TSPOAP1: variants seen among roughly 807,000 people sequenced by gnomAD.
The protein encoded by TSPOAP1 is peripheral-type benzodiazepine receptor-associated protein 1.
In TSPOAP1, 87 loss-of-function variants were observed where a neutral mutation model predicts 197.0. That is an observed-to-expected ratio of 0.44 (90% CI 0.37 to 0.53). The LOEUF is 0.53. Among genes scored for constraint, TSPOAP1 ranks in the 20% least tolerant of loss-of-function variants. The probability of loss-of-function intolerance (pLI) is 0.00; values close to 1 mark genes in which losing one functional copy is unlikely to be tolerated. For missense variants in TSPOAP1, 2,174 were observed against 2,411.3 expected, an observed-to-expected ratio of 0.90 and a Z score of 2.06; for synonymous variants, 913 against 998.9, an observed-to-expected ratio of 0.91 and a Z score of 1.62.
chr17:58,310,225 G>A, intron 20 of TSPOAP1, 67 bp from the exon 21 acceptor site: 4 of 1,496,348 alleles, frequency 2.7e-6, no homozygotes, highest in Non-Finnish European at 3.6e-6. Context: ...TCCAGGCAGG[G>A]TCAGCCCCAG....
chr17:58,305,581 C>A lies in TSPOAP1; in HGVS notation c.5320G>T (p.Asp1774Tyr). 6.3e-7 allele frequency: 1 copy of A among 1,576,754 alleles called. No homozygotes were observed. Among genetic ancestry groups the A allele is most frequent in the Non-Finnish European group, 8.6e-7 (1 of 1,161,928 alleles). Residue 1774 changes from aspartate to tyrosine, a missense_variant, in exon 28 of 32, where the codon GAC becomes TAC. By Grantham distance (160) the Asp-to-Tyr change is radical (BLOSUM62 -3). Around this residue, in one of 5 missense-constraint regions of TSPOAP1, gnomAD observed 161 missense variants for 159.1 expected, o/e 1.01. Transcript: ENST00000343736. ...GGGGAACTCTCCTGGGGGTTGTAGT[C>A]AAATGCAGCCACCATGGAGTGGGGA... ...KAPHSMVAAF[D>Y]YNPQESSPNM...
Position 58,326,189 on chromosome 17 carries a change from G to C in TSPOAP1, c.570+104C>G. ...CTAGATTCTTGCTTTCCTAGGTGCT[G>C]AGCTGAGACCGTGACTCCCAAGCTT... On this transcript the variant is annotated intron_variant, in intron 3 of 31. Coordinates refer to ENST00000343736, the MANE Select transcript of TSPOAP1 (RefSeq NM_004758.4). This position sits in a 1 kb window ranked among gnomAD's most constrained non-coding sequence, Gnocchi z 4.7. The C allele has an allele frequency of 2.6e-6, 4 of 1,534,520 alleles. No homozygotes were observed. The highest frequency in any genetic ancestry group is 3.5e-6 in the Non-Finnish European group (4 of 1,139,528).
In TSPOAP1 at chr17:58,324,057, G is replaced by A. The variant is rs1039969155; in HGVS notation, c.943-512C>T. On this transcript the variant is annotated intron_variant, in intron 5 of 31. Transcript: ENST00000343736. The surrounding 1 kb of genome is among the most constrained non-coding windows in gnomAD (Gnocchi z 5.8). ...CCAAGCCCACCCTACCACACCTTCC[G>A]ATTATCCGTGCAAACTTTGGGGGAG... Among the ~76,000 whole-genome samples the A allele has an allele frequency of 6.6e-6, 1 of 152,172 alleles. No homozygotes were observed. The highest frequency in any genetic ancestry group is 2.4e-5 in the African/African-American group (1 of 41,444).
At position 58,320,135 on chromosome 17, in the gene TSPOAP1, G is replaced by T. The variant is rs1971361767; in HGVS notation, c.1474-6C>A. On this transcript the variant is annotated splice_region_variant and splice_polypyrimidine_tract_variant and intron_variant, in intron 11 of 31. Coordinates refer to ENST00000343736, the MANE Select transcript of TSPOAP1 (RefSeq NM_004758.4). ...TGCATGGAATCCAAGGTAGACTGTT[G>T]CAGGAAAGGAAGCAGAGAACAGGTT... 6.2e-7 allele frequency: 1 copy of T among 1,614,050 alleles called. No individual in the cohort carries two copies. The highest frequency in any genetic ancestry group is 2.2e-5 in the East Asian group (1 of 44,894).
chr17:58,327,091 A>G (rs556230765), intron 1 of TSPOAP1, among the ~76,000 whole-genome samples: 4 of 151,748 alleles, frequency 2.6e-5, no homozygotes, highest in Non-Finnish European at 5.9e-5. Context: ...CCATCCCTCC[A>G]GACTCCCCTG....
Position 58,323,573 on chromosome 17 carries a change from G to A in TSPOAP1, c.943-28C>T, listed in dbSNP as rs746188957. 8.1e-6 allele frequency: 13 copies of A among 1,608,950 alleles called. No homozygotes were observed. The African/African-American group carries it at 1.6e-4, about 20-fold the overall frequency. ...GGAAATGCCCAGGGGCAAGGGGCTGGCACCTGAGAACAGGGCCCCAGGGCA... is the reference window on the plus strand; with the variant it reads ...GGAAATGCCCAGGGGCAAGGGGCTGACACCTGAGAACAGGGCCCCAGGGCA... On this transcript the variant is annotated intron_variant, in intron 5 of 31. Coordinates refer to ENST00000343736, the MANE Select transcript of TSPOAP1 (RefSeq NM_004758.4).
chr17:58,310,798 C>A, intron 19 of TSPOAP1, 38 bp downstream of exon 19: 4 of 1,587,108 alleles, frequency 2.5e-6, no homozygotes, highest in Admixed American at 1.7e-5. Context: ...GGTCCCTCTG[C>A]CAGCCTGCAC....
In TSPOAP1 at chr17:58,322,128, T is replaced by C. The variant is rs1342577169; in HGVS notation, c.1422+180A>G. ...TCTTCTCCACCACTGTGCTCATCAGTGTCTGAAATCAGCTCACTCCTGGAT... is the reference window on the plus strand; with the variant it reads ...TCTTCTCCACCACTGTGCTCATCAGCGTCTGAAATCAGCTCACTCCTGGAT... On this transcript the variant is annotated intron_variant, in intron 10 of 31. Transcript: ENST00000343736. This position sits in a 1 kb window ranked among gnomAD's most constrained non-coding sequence, Gnocchi z 5.0. 1.6e-6 allele frequency: 1 copy of C among 615,198 alleles called. No individual in the cohort carries two copies. Among genetic ancestry groups the C allele is most frequent in the African/African-American group, 1.8e-5 (1 of 54,126 alleles). The allele number at this position is 615,198 out of a possible 1,614,324, so 38.1% of individuals were successfully genotyped here. A position where few individuals can be genotyped will look rare whatever the true frequency, so the allele number is the denominator to read the frequency against.
At chr17:58,321,611 T>C (rs1237280762) in intron 10 of TSPOAP1, among the ~76,000 whole-genome samples, 1 of 152,030 alleles carries the variant, frequency 6.6e-6, no homozygotes, top group Non-Finnish European at 1.5e-5. Flanking sequence ...ACCTTGTCAG[T>C]TCTATCTCTA....
At chr17:58,325,344 C>G in intron 4 of TSPOAP1, 190 bp downstream of exon 4, 2 of 715,416 alleles carry the variant, frequency 2.8e-6, no homozygotes, top group Non-Finnish European at 4.6e-6. Flanking sequence ...CAGAAATGCC[C>G]AGGTCTGGGA....
chr17:58,325,751 G>A (rs757884772), intron 3 of TSPOAP1, 38 bp from the exon 4 acceptor site: 28 of 1,556,226 alleles, frequency 1.8e-5, no homozygotes, highest in Non-Finnish European at 2.3e-5. Context: ...GTCACCTGAG[G>A]GCTGGGGCAC....
At position 58,325,647 on chromosome 17, in the gene TSPOAP1, G is replaced by T. The variant is rs1417499118; in HGVS notation, c.637C>A (p.Arg213=). 6.2e-7 allele frequency: 1 copy of T among 1,613,298 alleles called. No homozygotes were observed. The highest frequency in any genetic ancestry group is 8.5e-7 in the Non-Finnish European group (1 of 1,180,004). The change falls in exon 4 of 32, where the codon CGA becomes AGA. Residue 213 remains arginine, a synonymous_variant. Transcript: ENST00000343736. ...ELCRKALARQ[R]ARDLSETASA... is the part of the protein sequence containing the mutation. The stretch of plus-strand genomic sequence containing the variant: ...GCTGTCTCACTGAGGTCCCGGGCTC[G>T]CTGGCGGGCTAGGGCCTTCCGACAC...
At chr17:58,307,478 C>G in intron 24 of TSPOAP1, 133 bp downstream of exon 24, 5 of 1,258,262 alleles carry the variant, frequency 4.0e-6, no homozygotes, top group Non-Finnish European at 5.5e-6. Context: ...GAGTCAGGTC[C>G]AAACCCATGT....
At position 58,309,717 on chromosome 17, in the gene TSPOAP1, G is replaced by A. The variant is rs1270550686; in HGVS notation, c.3891+250C>T. Among the ~76,000 whole-genome samples the A allele has an allele frequency of 3.3e-5, 5 of 152,224 alleles. No homozygotes were observed. In the East Asian group the frequency reaches 7.7e-4, roughly 23 times the overall value. On this transcript the variant is annotated intron_variant, in intron 21 of 31. Coordinates refer to ENST00000343736, the MANE Select transcript of TSPOAP1 (RefSeq NM_004758.4). This position sits in a 1 kb window ranked among gnomAD's most constrained non-coding sequence, Gnocchi z 5.0. ...TCTTAGGTGGCACCGGCCTCCCCTG[G>A]CCAGGGCGCTGTATCTGGTGGGCTG...
rs774067219 is a variant in TSPOAP1, at chr17:58,327,697, G to A, written c.224C>T (p.Thr75Ile). The change falls in exon 1 of 32, where the codon ACT (threonine) becomes ATT (isoleucine). Residue 75 changes from threonine to isoleucine, a missense_variant. Around this residue, in one of 5 missense-constraint regions of TSPOAP1, gnomAD observed 1,933 missense variants for 2,139.0 expected, o/e 0.90. Transcript: ENST00000343736. The part of the protein sequence containing the change: ...GDGSSRPVGG[T>I]DPEGAEACLP... Reference sequence around the variant, plus strand: ...ACAAGCCTCTGCTCCTTCAGGGTCAGTTCCCCCCACGGGCCTGGAGCTCCC... The same window carrying A: ...ACAAGCCTCTGCTCCTTCAGGGTCAATTCCCCCCACGGGCCTGGAGCTCCC... The A allele has an allele frequency of 6.2e-7, 1 of 1,614,058 alleles. No individual in the cohort carries two copies.
At position 58,322,571 on chromosome 17, in the gene TSPOAP1, C is replaced by T; in HGVS notation, c.1317+83G>A. On this transcript the variant is annotated intron_variant, in intron 9 of 31. Coordinates refer to ENST00000343736, the MANE Select transcript of TSPOAP1 (RefSeq NM_004758.4). The surrounding 1 kb of genome is among the most constrained non-coding windows in gnomAD (Gnocchi z 5.0). The stretch of plus-strand genomic sequence containing the variant: ...CCAGGCCCAGGCCTCAGAGCTAGTG[C>T]CCCTCACTAAGAATATTCTGCTGTC... The T allele has an allele frequency of 6.3e-7, 1 of 1,580,200 alleles. No homozygotes were observed. Among genetic ancestry groups the T allele is most frequent in the Middle Eastern group, 1.7e-4 (1 of 5,974 alleles).
chr17:58,321,705 A>G (rs1441985094), intron 10 of TSPOAP1, among the ~76,000 whole-genome samples: 3 of 151,944 alleles, frequency 2.0e-5, no homozygotes, highest in Non-Finnish European at 4.4e-5. Context: ...CTCCCAGGCC[A>G]CCGCCCAGGC....
chr17:58,312,767 G>A (rs1278641170), intron 16 of TSPOAP1, 45 bp from the exon 17 acceptor site: 5 of 1,526,066 alleles, frequency 3.3e-6, no homozygotes, highest in Non-Finnish European at 4.4e-6. Flanking sequence ...GGAAGACAGA[G>A]AGGAGATAAA....
chr17:58,304,348 C>G lies in TSPOAP1; in HGVS notation c.*22G>C, dbSNP rs756315956. Reference sequence around the variant, plus strand: ...CAGTCCCCCACTTACATGTTGCTCTCTCTACATATATCTATCTCCATCTAG... The same window carrying G: ...CAGTCCCCCACTTACATGTTGCTCTGTCTACATATATCTATCTCCATCTAG... On this transcript the variant is annotated 3_prime_UTR_variant, in exon 31 of 32. Transcript: ENST00000343736. This position sits in a 1 kb window ranked among gnomAD's most constrained non-coding sequence, Gnocchi z 4.2. 5.0e-6 allele frequency: 8 copies of G among 1,613,602 alleles called. No homozygotes were observed. The African/African-American group carries it at 5.3e-5, about 11-fold the overall frequency.
Sources: allele counts gnomAD v4.1 joint callset (sites outside exome capture counted in the v4.1 genomes callset), GRCh38; gene constraint gnomAD v4.1.1; regional missense constraint gnomAD v4.1.1; non-coding constraint Gnocchi (gnomAD v3.1); transcripts MANE v1.5; gene names NCBI Gene and HGNC (gene_info 2026-07-23, HGNC 2026-07-21).